MEI1: variants seen among roughly 807,000 people sequenced by gnomAD.
The protein encoded by MEI1 is meiosis inhibitor protein 1.
In MEI1, 103 loss-of-function variants were observed where a neutral mutation model predicts 146.2. The observed-to-expected ratio is 0.70, with a 90% CI of 0.60 to 0.83. The LOEUF is 0.83. Ranked by LOEUF, MEI1 falls within the 40% of genes least tolerant of loss-of-function variation. MEI1 has a pLI of 0.00. For synonymous variants in MEI1, 652 were observed against 628.2 expected (o/e 1.04, Z -0.57); for missense variants, 1,529 against 1,533.0 (o/e 1.00, Z 0.04).
chr22:41,779,145 C>A (rs1256232303), intron 22 of MEI1, among the ~76,000 whole-genome samples: 2 of 151,674 alleles, frequency 1.3e-5, no homozygotes. Flanking sequence ...GGCAACATAG[C>A]AAGATCCTGC....
At chr22:41,758,639 G>A (rs2074256921) in intron 18 of MEI1, 106 bp downstream of exon 18, 1 of 1,172,762 alleles carries the variant, frequency 8.5e-7, no homozygotes. Flanking sequence ...GGGCACTGGG[G>A]ACACGGGGAT....
At chr22:41,706,596 C>G (rs1380159364) in intron 3 of MEI1, among the ~76,000 whole-genome samples, 1 of 151,934 alleles carries the variant, frequency 6.6e-6, no homozygotes, top group Non-Finnish European at 1.5e-5. Flanking sequence ...TGCCTGTAGT[C>G]CTAGCTACTC....
At position 41,724,092 on chromosome 22, in the gene MEI1, C is replaced by G. The variant is rs372485726; in HGVS notation, c.864+19C>G. On this transcript the variant is annotated intron_variant, in intron 7 of 30. Transcript: ENST00000401548. ...CAAAAAGGTAGTTGTCTTGTGATTC[C>G]TGGTCTCTAGGTTCAATAACAAGGG... 4 of 1,613,342 alleles carry G rather than the reference C, an allele frequency of 2.5e-6. No homozygotes were observed. Among genetic ancestry groups the G allele is most frequent in the South Asian group, 1.1e-5 (1 of 90,972 alleles).
At position 41,703,352 on chromosome 22, in the gene MEI1, T is replaced by C. The variant is rs775885827; in HGVS notation, c.196T>C (p.Leu66=). The C allele has an allele frequency of 5.0e-6, 8 of 1,612,632 alleles. No homozygotes were observed. The African/African-American group carries it at 8.0e-5, about 16-fold the overall frequency. Residue 66 remains leucine, a synonymous_variant, in exon 2 of 31, where the codon TTG becomes CTG. Coordinates refer to ENST00000401548, the MANE Select transcript of MEI1 (RefSeq NM_152513.4). The stretch of plus-strand genomic sequence containing the variant: ...CAAGTTAGTGCGCAAGAAGCACATG[T>C]TGTCCTGCTTCCAAGATGCCCTTGT... ...GVSLVRKKHM[L]SCFQDALVRH... is the part of the protein sequence containing the mutation.
At chr22:41,735,227 G>GTTTTT (rs1279915415) in intron 11 of MEI1, among the ~76,000 whole-genome samples, 10 of 85,486 alleles carry the variant, frequency 1.2e-4, no homozygotes, top group African/African-American at 2.1e-4. Flanking sequence ...CTCCCAAAGT[G>GTTTTT]TTTTTTTTTT....
intron 3 of MEI1, among the ~76,000 whole-genome samples, chr22:41,711,884 C>G (rs2069600979): frequency 6.6e-6 from 1 of 151,372 alleles, no homozygotes; most frequent in Non-Finnish European, 1.5e-5. Flanking sequence ...AAGGAGCAAA[C>G]TGAGGAAAGA....
At chr22:41,718,977 T>C (rs183141210) in intron 6 of MEI1, among the ~76,000 whole-genome samples, 2,103 of 145,408 alleles carry the variant, frequency 0.014, 40 homozygotes, top group Admixed American at 0.05. Context: ...GTTCAAGTGA[T>C]TCTTTTTTTT....
Position 41,699,528 on chromosome 22 carries a change from C to A in MEI1, c.-11C>A, listed in dbSNP as rs779236150. On this transcript the variant is annotated 5_prime_UTR_variant, in exon 1 of 31. Transcript: ENST00000401548. Reference sequence around the variant, plus strand: ...GAAAGAGTGCCGCCTCAGCTGAGGGCAAGCGAGGAGATGGCTGTGAGGCAG... The same window carrying A: ...GAAAGAGTGCCGCCTCAGCTGAGGGAAAGCGAGGAGATGGCTGTGAGGCAG... The A allele has an allele frequency of 3.7e-6, 6 of 1,604,210 alleles. No homozygotes were observed. The highest frequency in any genetic ancestry group is 5.1e-6 in the Non-Finnish European group (6 of 1,176,772).
chr22:41,733,901 C>T (rs1009102172), intron 11 of MEI1, among the ~76,000 whole-genome samples: 11 of 151,548 alleles, frequency 7.3e-5, no homozygotes, highest in African/African-American at 2.4e-4. Flanking sequence ...CCAAGGTCGG[C>T]GGACCACCTG....
chr22:41,763,426 G>T, intron 19 of MEI1, 105 bp downstream of exon 19: 3 of 1,317,072 alleles, frequency 2.3e-6, no homozygotes, highest in South Asian at 1.4e-5. Flanking sequence ...GGGTGGTAGA[G>T]AGAGACAAAG....
chr22:41,723,869 C>T (rs2071084714), intron 6 of MEI1, 74 bp from the exon 7 acceptor site: 3 of 1,507,072 alleles, frequency 2.0e-6, no homozygotes, highest in Non-Finnish European at 2.7e-6. Flanking sequence ...CTGGGGATGT[C>T]TGAGGGGCTA....
chr22:41,735,408 A>AT (rs1360051080), intron 11 of MEI1, among the ~76,000 whole-genome samples: 3 of 151,670 alleles, frequency 2.0e-5, no homozygotes, highest in African/African-American at 7.3e-5. Flanking sequence ...CTAATTTTGT[A>AT]TTTTTAGTAG....
At chr22:41,790,617 G>A (rs1486650232) in intron 26 of MEI1, among the ~76,000 whole-genome samples, 4 of 150,650 alleles carry the variant, frequency 2.7e-5, no homozygotes, top group African/African-American at 9.8e-5. Flanking sequence ...TTCTGAGACA[G>A]AGTCTCACTC....
At chr22:41,740,728 T>TCAAAAACAAAAA (rs113925419) in intron 11 of MEI1, among the ~76,000 whole-genome samples, 35 of 151,700 alleles carry the variant, frequency 2.3e-4, no homozygotes, top group Admixed American at 6.6e-4. Context: ...AGACCCTGTC[T>TCAAAAACAAAAA]CAAAAACAAA....
At chr22:41,763,943 CTTTTT>C (rs71184839) in intron 19 of MEI1, among the ~76,000 whole-genome samples, 3 of 91,552 alleles carry the variant, frequency 3.3e-5, no homozygotes, top group African/African-American at 8.1e-5. Flanking sequence ...GGGAAGTTTC[CTTTTT>C]TTTTTTTTTT....
chr22:41,753,923 C>T (rs750868328), intron 16 of MEI1, 26 bp from the exon 17 acceptor site: 46 of 1,497,412 alleles, frequency 3.1e-5, no homozygotes, highest in Non-Finnish European at 4.3e-5. Context: ...GTCATCTCTT[C>T]TATTCTTTCT....
intron 6 of MEI1, among the ~76,000 whole-genome samples, chr22:41,721,235 T>TGCCTGGC: frequency 7.4e-6 from 1 of 134,914 alleles, no homozygotes; most frequent in East Asian, 2.1e-4. Context: ...ACCACGCCCG[T>TGCCTGGC]TCTTTTTTTT....
intron 26 of MEI1, among the ~76,000 whole-genome samples, chr22:41,789,011 A>G: frequency 6.6e-6 from 1 of 152,120 alleles, no homozygotes; most frequent in East Asian, 1.9e-4. Flanking sequence ...TAATTTTAAA[A>G]TACTTTTGTA....
At position 41,746,008 on chromosome 22, in the gene MEI1, G is replaced by T; in HGVS notation, c.1662G>T (p.Leu554=). 2 of 1,605,766 alleles carry T rather than the reference G, an allele frequency of 1.2e-6. No homozygotes were observed. The highest frequency in any genetic ancestry group is 8.5e-7 in the Non-Finnish European group (1 of 1,175,854). Reference sequence around the variant, plus strand: ...TTCTTCTCAGTGCCTGTGACTCGCTGTGTATCCCCATGGTGATGGTGGGTT... The same window carrying T: ...TTCTTCTCAGTGCCTGTGACTCGCTTTGTATCCCCATGGTGATGGTGGGTT... ...SEFLLSACDS[L]CIPMVMRHLE... The change falls in exon 14 of 31, where the codon CTG becomes CTT. Residue 554 remains leucine (L), a synonymous_variant. Coordinates refer to ENST00000401548, the MANE Select transcript of MEI1 (RefSeq NM_152513.4).
Sources: allele counts gnomAD v4.1 joint callset (sites outside exome capture counted in the v4.1 genomes callset), GRCh38; gene constraint gnomAD v4.1.1; transcripts MANE v1.5; gene names NCBI Gene and HGNC (gene_info 2026-07-23, HGNC 2026-07-21).